ERCC5: variants seen among roughly 807,000 people sequenced by gnomAD.
ERCC5 encodes the protein DNA excision repair protein ERCC-5.
In ERCC5, 68 loss-of-function variants were observed where a neutral mutation model predicts 105.6. The ratio of observed to expected loss-of-function variants is 0.64; its 90% CI spans 0.53 to 0.79. The LOEUF is 0.79. ERCC5 is among the 30% of genes least tolerant of loss of function. The pLI is 0.00. For missense variants in ERCC5, 1,373 were observed against 1,426.7 expected, an observed-to-expected ratio of 0.96 and a Z score of 0.61; for synonymous variants, 546 against 526.2, an observed-to-expected ratio of 1.04 and a Z score of -0.51.
chr13:102,858,334 G>GT lies in ERCC5; in HGVS notation c.588_589insT (p.Pro197SerfsTer3), dbSNP rs1446169536. 5.6e-6 allele frequency: 9 copies of GT among 1,613,956 alleles called. No homozygotes were observed. The highest frequency in any genetic ancestry group is 5.9e-6 in the Non-Finnish European group (7 of 1,180,010). ...TTGAGTCTGAGGACTTCAGCAGCCT[G>GT]CCCCCTGAAGTAAAGCATGAAATCT... On this transcript the variant is annotated frameshift_variant, in exon 6 of 15. Coordinates refer to ENST00000652225, the MANE Select transcript of ERCC5 (RefSeq NM_000123.4). LOFTEE classifies it high-confidence loss of function.
intron 1 of ERCC5, among the ~76,000 whole-genome samples, chr13:102,848,262 G>A (rs575441072): frequency 7.4e-4 from 112 of 152,174 alleles, no homozygotes; most frequent in African/African-American, 2.5e-3. Context: ...TCATTTTCAC[G>A]GGAATTCAGA....
chr13:102,860,632 C>G (rs1391068244), intron 6 of ERCC5, among the ~76,000 whole-genome samples: 2 of 152,154 alleles, frequency 1.3e-5, no homozygotes. Flanking sequence ...CCCTGTGACT[C>G]TAGGGAGGTT....
At position 102,846,717 on chromosome 13, in the gene ERCC5, A is replaced by T. The variant is rs190191056; in HGVS notation, c.88+363A>T. Among the ~76,000 whole-genome samples the T allele has an allele frequency of 3.8e-3, 580 of 152,268 alleles. 6 individuals carry two copies. The highest frequency in any genetic ancestry group is 0.013 in the African/African-American group (539 of 41,534). On this transcript the variant is annotated intron_variant, in intron 1 of 14. Coordinates refer to ENST00000652225, the MANE Select transcript of ERCC5 (RefSeq NM_000123.4). ...AATAGTTGTTATACTGTATTTTAAA[A>T]TTTTTTGTAGTTTTTATTGGTATGT... is the stretch of plus-strand genomic sequence containing the variant.
intron 14 of ERCC5, among the ~76,000 whole-genome samples, chr13:102,874,285 TA>T (rs1883124671): frequency 6.6e-6 from 1 of 152,216 alleles, no homozygotes; most frequent in African/African-American, 2.4e-5. Context: ...ACATTTAGGT[TA>T]AAAAATTTTC....
chr13:102,846,110 T>TC lies in ERCC5; in HGVS notation c.-152dup, dbSNP rs1881946138. ...CTTTAATGCGCTCCCATTAGTGCCGTCCCCCACTGGAAAACCGTGGCTTCT... is the reference window on the plus strand; with the variant it reads ...CTTTAATGCGCTCCCATTAGTGCCGTCCCCCCACTGGAAAACCGTGGCTTCT... On this transcript the variant is annotated 5_prime_UTR_variant, in exon 1 of 15. Transcript: ENST00000652225. The TC allele has an allele frequency of 3.2e-6, 2 of 630,554 alleles. No individual in the cohort carries two copies. The allele number at this position is 630,554 out of a possible 1,614,324, so 39.1% of individuals were successfully genotyped here.
chr13:102,855,353 G>A (rs1595378684), intron 4 of ERCC5, among the ~76,000 whole-genome samples: 1 of 151,808 alleles, frequency 6.6e-6, no homozygotes, highest in Non-Finnish European at 1.5e-5. Flanking sequence ...GGGTTTAAGC[G>A]ATTCTCCTGC....
At chr13:102,852,854 C>CG (rs1174077554) in intron 2 of ERCC5, among the ~76,000 whole-genome samples, 1 of 151,962 alleles carries the variant, frequency 6.6e-6, no homozygotes, top group Admixed American at 6.5e-5. Context: ...TTTGGAAGGC[C>CG]GGGGGCAGGA....
Position 102,853,882 on chromosome 13 carries a change from A to G in ERCC5, c.380+10A>G. On this transcript the variant is annotated intron_variant, in intron 3 of 14. Coordinates refer to ENST00000652225, the MANE Select transcript of ERCC5 (RefSeq NM_000123.4). ...CCTTCAGAAGCAAAAGGCAAGAGGAAAATTATAGTCGTGTTAGAGATGAAG... is the reference window on the plus strand; with the variant it reads ...CCTTCAGAAGCAAAAGGCAAGAGGAGAATTATAGTCGTGTTAGAGATGAAG... 1 of 1,612,172 alleles carries G rather than the reference A, an allele frequency of 6.2e-7. No individual in the cohort carries two copies. Among genetic ancestry groups the G allele is most frequent in the Non-Finnish European group, 8.5e-7 (1 of 1,178,184 alleles).
At chr13:102,853,226 T>A (rs2064091490) in intron 2 of ERCC5, among the ~76,000 whole-genome samples, 1 of 152,172 alleles carries the variant, frequency 6.6e-6, no homozygotes, top group Admixed American at 6.5e-5. Context: ...GAGAATATCT[T>A]GGTTATTTTT....
chr13:102,865,360 A>T lies in ERCC5; in HGVS notation c.1955-307A>T. The T allele has an allele frequency of 5.5e-6, 2 of 362,714 alleles. No homozygotes were observed. Among genetic ancestry groups the T allele is most frequent in the Non-Finnish European group, 1.1e-5 (2 of 189,928 alleles). 22.5% of individuals were successfully genotyped at this position (362,714 alleles called of 1,614,324 possible). A position where few individuals can be genotyped will look rare whatever the true frequency, so the allele number is the denominator to read the frequency against. ...ATACTTTGATAATCCTCCTTTTTGA[A>T]TTTTTAAAACAATGTCAGTTAACTT... On this transcript the variant is annotated intron_variant, in intron 8 of 14. Transcript: ENST00000652225. This position sits in a 1 kb window ranked among gnomAD's most constrained non-coding sequence, Gnocchi z 4.0.
At chr13:102,854,143 G>A in intron 3 of ERCC5, 145 bp from the exon 4 acceptor site, 1 of 875,766 alleles carries the variant, frequency 1.1e-6, no homozygotes, top group Non-Finnish European at 1.8e-6. Flanking sequence ...TTGACTCTAG[G>A]TGAGCAGCCC....
At position 102,872,218 on chromosome 13, in the gene ERCC5, A is replaced by G. The variant is rs1427067279; in HGVS notation, c.2699A>G (p.Gln900Arg). ...LKFSEWWHEA[Q>R]KNPKIRPNPH... The stretch of plus-strand genomic sequence containing the variant: ...TACAGAGAATGGTGGCATGAAGCTC[A>G]AAAAAATCCAAAGATAAGACCTAAT... The change falls in exon 13 of 15, where the codon CAA becomes CGA. Residue 900 changes from glutamine (Q) to arginine (R), a missense_variant. Gln to Arg is a conservative substitution (Grantham distance 43, BLOSUM62 1). This residue lies in a region of ERCC5 where 367 missense variants were observed against 350.2 expected (regional missense o/e 1.05). Transcript: ENST00000652225. The G allele has an allele frequency of 6.2e-7, 1 of 1,613,920 alleles. No individual in the cohort carries two copies. The highest frequency in any genetic ancestry group is 1.7e-5 in the Admixed American group (1 of 60,000).
chr13:102,863,858 T>C (rs762286927), intron 8 of ERCC5, among the ~76,000 whole-genome samples: 2 of 152,198 alleles, frequency 1.3e-5, no homozygotes, highest in Admixed American at 6.5e-5. Flanking sequence ...TGAATCCCTA[T>C]TCTGGCACCT....
At chr13:102,855,935 A>G (rs545552246) in intron 4 of ERCC5, 117 bp from the exon 5 acceptor site, 9 of 986,334 alleles carry the variant, frequency 9.1e-6, no homozygotes, top group Non-Finnish European at 1.5e-5. Context: ...AGTGGCACAG[A>G]TCTTGCTGTT....
intron 4 of ERCC5, among the ~76,000 whole-genome samples, chr13:102,854,924 A>G (rs1882352964): frequency 6.6e-6 from 1 of 152,148 alleles, no homozygotes; most frequent in African/African-American, 2.4e-5. Flanking sequence ...CTGTGTTTGA[A>G]GTGAAGGTGG....
At chr13:102,854,980 C>T (rs781121556) in intron 4 of ERCC5, among the ~76,000 whole-genome samples, 2 of 152,236 alleles carry the variant, frequency 1.3e-5, no homozygotes, top group Non-Finnish European at 2.9e-5. Flanking sequence ...GTCCTTCCCT[C>T]CACCTCTTCC....
intron 1 of ERCC5, chr13:102,849,341 T>G (rs1354751377): frequency 1.9e-6 from 1 of 519,022 alleles, no homozygotes; most frequent in Non-Finnish European, 3.8e-6. Flanking sequence ...TTCTAGAAAC[T>G]TCCCAGTGGC....
chr13:102,861,063 A>G (rs1467530479), intron 6 of ERCC5, among the ~76,000 whole-genome samples: 1 of 147,488 alleles, frequency 6.8e-6, no homozygotes, highest in African/African-American at 2.5e-5. Flanking sequence ...ATCTCGGCTC[A>G]CTGCAACCTC....
chr13:102,855,813 G>A (rs1442802052), intron 4 of ERCC5, among the ~76,000 whole-genome samples: 1 of 152,126 alleles, frequency 6.6e-6, no homozygotes, highest in Admixed American at 6.5e-5. Context: ...AATTGGGTGA[G>A]GTGACTCCCT....
Sources: allele counts gnomAD v4.1 joint callset (sites outside exome capture counted in the v4.1 genomes callset), GRCh38; gene constraint gnomAD v4.1.1; regional missense constraint gnomAD v4.1.1; non-coding constraint Gnocchi (gnomAD v3.1); transcripts MANE v1.5; gene names NCBI Gene and HGNC (gene_info 2026-07-23, HGNC 2026-07-21).